MICU1: variants seen among roughly 807,000 people sequenced by gnomAD.
The protein encoded by MICU1 is calcium uptake protein 1, mitochondrial.
In MICU1, 45 loss-of-function variants were observed where a neutral mutation model predicts 56.8. The ratio of observed to expected loss-of-function variants is 0.79; its 90% CI spans 0.62 to 1.02. The LOEUF (loss-of-function observed/expected upper bound fraction) is 1.02. Among genes scored for constraint, MICU1 ranks in the 50% least tolerant of loss-of-function variants. The probability of loss-of-function intolerance (pLI) is 0.00; values close to 1 mark genes in which losing one functional copy is unlikely to be tolerated. For synonymous variants in MICU1, 186 were observed against 195.1 expected, an observed-to-expected ratio of 0.95 and a Z score of 0.39; for missense variants, 504 against 587.1, an observed-to-expected ratio of 0.86 and a Z score of 1.46.
intron 3 of MICU1, among the ~76,000 whole-genome samples, chr10:72,554,549 T>C (rs1413777617): frequency 6.6e-6 from 1 of 152,200 alleles, no homozygotes; most frequent in East Asian, 1.9e-4. Flanking sequence ...ACTTGTAGAT[T>C]AAGAGGCTTT....
intron 6 of MICU1, among the ~76,000 whole-genome samples, chr10:72,493,703 C>T (rs890646714): frequency 3.3e-5 from 5 of 152,092 alleles, no homozygotes; most frequent in Non-Finnish European, 5.9e-5. Flanking sequence ...GCGTTCTGCC[C>T]GCCTTGGTCT....
At chr10:72,535,804 G>A (rs1367758561) in intron 4 of MICU1, among the ~76,000 whole-genome samples, 1 of 152,126 alleles carries the variant, frequency 6.6e-6, no homozygotes, top group Non-Finnish European at 1.5e-5. Context: ...CTGTCCAACA[G>A]AAATATAGTG....
chr10:72,571,013 C>T (rs1475203629), intron 1 of MICU1, among the ~76,000 whole-genome samples: 2 of 152,172 alleles, frequency 1.3e-5, no homozygotes, highest in African/African-American at 4.8e-5. Context: ...TCACTGACAA[C>T]AGAAAGAACA....
chr10:72,575,337 T>C (rs1045390686), intron 1 of MICU1, among the ~76,000 whole-genome samples: 7 of 152,230 alleles, frequency 4.6e-5, no homozygotes, highest in African/African-American at 1.7e-4. Context: ...TTTTTTTACA[T>C]TTTTAATAGC....
chr10:72,577,402 G>A (rs1459820312), intron 1 of MICU1, among the ~76,000 whole-genome samples: 3 of 151,916 alleles, frequency 2.0e-5, no homozygotes, highest in African/African-American at 7.3e-5. Flanking sequence ...CCAGCTACTC[G>A]GAAGGCTGAG....
chr10:72,584,492 C>CATCTCCAATTTG (rs1840990864), intron 1 of MICU1, among the ~76,000 whole-genome samples: 1 of 151,968 alleles, frequency 6.6e-6, no homozygotes, highest in Admixed American at 6.6e-5. Context: ...CATAAAATAT[C>CATCTCCAATTTG]ATCTCCAATT....
At chr10:72,493,288 T>A (rs1485871969) in intron 6 of MICU1, among the ~76,000 whole-genome samples, 1 of 152,212 alleles carries the variant, frequency 6.6e-6, no homozygotes, top group Admixed American at 6.5e-5. Flanking sequence ...GTCATCATTA[T>A]GAATATTTTT....
At chr10:72,392,479 G>A (rs1015300620) in intron 10 of MICU1, among the ~76,000 whole-genome samples, 1 of 152,178 alleles carries the variant, frequency 6.6e-6, no homozygotes, top group Non-Finnish European at 1.5e-5. Flanking sequence ...GCTGAGGCAG[G>A]AGAATTTCTT....
chr10:72,421,779 A>G (rs1473664991), intron 9 of MICU1, among the ~76,000 whole-genome samples: 1 of 152,220 alleles, frequency 6.6e-6, no homozygotes, highest in Non-Finnish European at 1.5e-5. Context: ...TAAAACAGCC[A>G]GAGTTGTCTC....
At chr10:72,623,744 C>G (rs1023652550) in intron 1 of MICU1, among the ~76,000 whole-genome samples, 1 of 152,038 alleles carries the variant, frequency 6.6e-6, no homozygotes, top group Non-Finnish European at 1.5e-5. Context: ...GAGGCTGAAG[C>G]AGGAGAATTG....
chr10:72,586,013 CTT>C (rs71021511), intron 1 of MICU1, among the ~76,000 whole-genome samples: 1 of 74,714 alleles, frequency 1.3e-5, no homozygotes, highest in Non-Finnish European at 2.3e-5. Context: ...TTTTTTTTTT[CTT>C]TTTTTTTTTT....
chr10:72,607,306 A>T (rs1431249477), intron 1 of MICU1, among the ~76,000 whole-genome samples: 1 of 141,874 alleles, frequency 7.0e-6, no homozygotes, highest in Non-Finnish European at 1.5e-5. Context: ...GCACCATTAC[A>T]CTCCAGCCTG....
intron 6 of MICU1, among the ~76,000 whole-genome samples, chr10:72,500,302 A>ATATATATATT (rs1867021751): frequency 9.4e-5 from 1 of 10,672 alleles, no homozygotes; most frequent in Non-Finnish European, 2.9e-4. Context: ...ATATATATAT[A>ATATATATATT]TTTTTTTTTT....
chr10:72,594,925 CAAAA>C (rs57504317), intron 1 of MICU1, among the ~76,000 whole-genome samples: 1 of 50,746 alleles, frequency 2.0e-5, no homozygotes, highest in South Asian at 6.3e-4. Context: ...AAGTACAATC[CAAAA>C]AAAAAAAAAA....
At chr10:72,583,282 ATTTTT>A (rs71021510) in intron 1 of MICU1, among the ~76,000 whole-genome samples, 1 of 141,174 alleles carries the variant, frequency 7.1e-6, no homozygotes, top group Non-Finnish European at 1.5e-5. Context: ...GGCTGAATGC[ATTTTT>A]TTTTTTTTTT....
At chr10:72,411,855 C>T (rs1307766151) in intron 9 of MICU1, among the ~76,000 whole-genome samples, 1 of 152,076 alleles carries the variant, frequency 6.6e-6, no homozygotes, top group African/African-American at 2.4e-5. Context: ...TATCTGAGGA[C>T]AGAGAGAGAA....
intron 1 of MICU1, among the ~76,000 whole-genome samples, chr10:72,595,310 G>A (rs1302570030): frequency 6.6e-6 from 1 of 151,660 alleles, no homozygotes; most frequent in African/African-American, 2.4e-5. Flanking sequence ...AAATTAGCCG[G>A]GCAGGGTGGC....
chr10:72,381,282 G>A (rs948919695), intron 10 of MICU1, among the ~76,000 whole-genome samples: 3 of 152,182 alleles, frequency 2.0e-5, no homozygotes, highest in Admixed American at 1.3e-4. Context: ...GACTGGTGAT[G>A]GCCAAGGTTA....
chr10:72,592,237 G>A (rs1423478153), intron 1 of MICU1, among the ~76,000 whole-genome samples: 1 of 151,726 alleles, frequency 6.6e-6, no homozygotes, highest in Admixed American at 6.6e-5. Flanking sequence ...TCAAACTCCT[G>A]ACCTCGTGAT....
Sources: gnomAD v4.1 joint callset for allele counts (sites outside exome capture counted in the v4.1 genomes callset) on GRCh38, gnomAD v4.1.1 for gene constraint, MANE v1.5 for transcripts, NCBI Gene and HGNC (gene_info 2026-07-23, HGNC 2026-07-21) for gene names.